Variants in PDE4A observed in about 807,000 individuals in gnomAD.
PDE4A encodes the protein 3',5'-cyclic-AMP phosphodiesterase 4A.
PDE4A carries 21 observed loss-of-function variants against 73.9 expected under a neutral mutation model. The observed-to-expected ratio is 0.28, with a 90% CI of 0.20 to 0.41. The LOEUF (loss-of-function observed/expected upper bound fraction) is 0.41. Among genes scored for constraint, PDE4A ranks in the 10% least tolerant of loss-of-function variants. The probability of loss-of-function intolerance (pLI) is 1.00; values close to 1 mark genes in which losing one functional copy is unlikely to be tolerated. For missense variants in PDE4A, 958 were observed against 1,211.4 expected (o/e 0.79, Z 3.10); for synonymous variants, 463 against 505.4 (o/e 0.92, Z 1.13).
intron 7 of PDE4A, 84 bp from the exon 8 acceptor site, chr19:10,457,795 T>C: frequency 1.3e-6 from 2 of 1,565,960 alleles, no homozygotes; most frequent in South Asian, 1.2e-5. Context: ...GCCTTCCCCG[T>C]ACGTGGTAGT....
At chr19:10,428,357 C>A (rs980820244) in intron 1 of PDE4A, among the ~76,000 whole-genome samples, 107 of 137,396 alleles carry the variant, frequency 7.8e-4, no homozygotes, top group African/African-American at 1.9e-3. Flanking sequence ...GATCCTGTCT[C>A]GAGAGAGAGA....
intron 6 of PDE4A, among the ~76,000 whole-genome samples, chr19:10,454,087 G>A (rs1444601647): frequency 1.3e-5 from 2 of 152,120 alleles, no homozygotes; most frequent in South Asian, 2.1e-4. Flanking sequence ...GGCATGGGGG[G>A]ACCAGGAGGG....
At chr19:10,433,966 C>T (rs984469271) in intron 1 of PDE4A, among the ~76,000 whole-genome samples, 2 of 152,202 alleles carry the variant, frequency 1.3e-5, no homozygotes, top group Non-Finnish European at 2.9e-5. Flanking sequence ...CGTGGTGGCT[C>T]ATGCCTGTAA....
In PDE4A at chr19:10,453,021, T is replaced by A; in HGVS notation, c.784-1808T>A. On this transcript the variant is annotated intron_variant, in intron 6 of 14. Transcript: ENST00000380702. This position sits in a 1 kb window ranked among gnomAD's most constrained non-coding sequence, Gnocchi z 4.6. ...CCATGGGCACGGACCCCCCACCGCCTCCACCCACTGCCGCGGGGGGGCCCG... is the reference window on the plus strand; with the variant it reads ...CCATGGGCACGGACCCCCCACCGCCACCACCCACTGCCGCGGGGGGGCCCG... 7.5e-7 allele frequency: 1 copy of A among 1,324,900 alleles called. No homozygotes were observed. The highest frequency in any genetic ancestry group is 1.8e-5 in the South Asian group (1 of 54,222). The allele number at this position is 1,324,900 out of a possible 1,614,324, so 82.1% of individuals were successfully genotyped here. A position where few individuals can be genotyped will look rare whatever the true frequency, so the allele number is the denominator to read the frequency against.
chr19:10,466,496 A>AT (rs1203491393), intron 14 of PDE4A, among the ~76,000 whole-genome samples: 1 of 142,182 alleles, frequency 7.0e-6, no homozygotes, highest in Non-Finnish European at 1.5e-5. Context: ...CAATGTATAC[A>AT]TTTTTTTGTT....
intron 1 of PDE4A, among the ~76,000 whole-genome samples, chr19:10,436,931 C>T (rs911449004): frequency 1.3e-5 from 2 of 151,906 alleles, no homozygotes; most frequent in African/African-American, 4.8e-5. Context: ...CCCAGCTACT[C>T]GAGAGACTGA....
chr19:10,449,244 G>T (rs2043056457), intron 4 of PDE4A, 94 bp downstream of exon 4: 1 of 1,384,934 alleles, frequency 7.2e-7, no homozygotes. Context: ...TGGCAGGCAG[G>T]TGACCTCTCT....
At chr19:10,459,252 G>A in intron 8 of PDE4A, 148 bp from the exon 9 acceptor site, 1 of 1,391,662 alleles carries the variant, frequency 7.2e-7, no homozygotes, top group Non-Finnish European at 9.6e-7. Flanking sequence ...GTAGGACGAG[G>A]GCAGTACATT....
chr19:10,464,099 G>C, intron 14 of PDE4A, 124 bp downstream of exon 14: 1 of 1,341,900 alleles, frequency 7.5e-7, no homozygotes, highest in Non-Finnish European at 1.0e-6. Context: ...TCCTGTTTTT[G>C]GTTTTGTTTT....
At position 10,458,972 on chromosome 19, in the gene PDE4A, G is replaced by A. The variant is rs111678873; in HGVS notation, c.1102-428G>A. On this transcript the variant is annotated intron_variant, in intron 8 of 14. Transcript: ENST00000380702. The surrounding 1 kb of genome is among the most constrained non-coding windows in gnomAD (Gnocchi z 4.6). Reference sequence around the variant, plus strand: ...TGCTGGCCCTTTTCTGAATTTTGGAGAGACATGGAAAATAAGCCCTTCTTC... The same window carrying A: ...TGCTGGCCCTTTTCTGAATTTTGGAAAGACATGGAAAATAAGCCCTTCTTC... 332 of 174,294 alleles carry A rather than the reference G, an allele frequency of 1.9e-3. 4 individuals carry two copies. Among genetic ancestry groups the A allele is most frequent in the African/African-American group, 7.3e-3 (309 of 42,460 alleles). The allele number at this position is 174,294 out of a possible 1,614,324, so 10.8% of individuals were successfully genotyped here.
In PDE4A at chr19:10,444,711, C is replaced by T. The variant is rs563964810; in HGVS notation, c.321-1507C>T. Among the ~76,000 whole-genome samples the T allele has an allele frequency of 1.1e-3, 167 of 147,336 alleles. 1 individual carries two copies. The highest frequency in any genetic ancestry group is 4.1e-3 in the African/African-American group (166 of 40,118). On this transcript the variant is annotated intron_variant, in intron 1 of 14. Coordinates refer to ENST00000380702, the MANE Select transcript of PDE4A (RefSeq NM_001111307.2). The stretch of plus-strand genomic sequence containing the variant: ...TTTGAGATGGAGTCTTGCTCTGTTG[C>T]CCAGACTGGAGCGCAGTGGCAAGAT...
chr19:10,464,128 C>CAAAA, intron 14 of PDE4A, 153 bp downstream of exon 14: 3 of 975,316 alleles, frequency 3.1e-6, no homozygotes, highest in Non-Finnish European at 4.6e-6. Context: ...GACGGAGTCT[C>CAAAA]ATTCTATTGC....
rs774496577 is a variant in PDE4A, at chr19:10,463,779, C to G, written c.1744-14C>G. 2 of 1,613,782 alleles carry G rather than the reference C, an allele frequency of 1.2e-6. No individual in the cohort carries two copies. Among genetic ancestry groups the G allele is most frequent in the South Asian group, 2.2e-5 (2 of 91,076 alleles). ...TAGCCTCTGAAGTTTCCCCTGTGCCCCAACCCCATGCAGGTCCTCCGGAAC... is the reference window on the plus strand; with the variant it reads ...TAGCCTCTGAAGTTTCCCCTGTGCCGCAACCCCATGCAGGTCCTCCGGAAC... On this transcript the variant is annotated splice_polypyrimidine_tract_variant and intron_variant, in intron 13 of 14. Transcript: ENST00000380702.
In PDE4A at chr19:10,446,247, C is replaced by T. The variant is rs1450259068; in HGVS notation, c.350C>T (p.Ser117Phe). 2.5e-6 allele frequency: 4 copies of T among 1,589,452 alleles called. No individual in the cohort carries two copies. The African/African-American group carries it at 5.4e-5, about 21-fold the overall frequency. ...RFEAENGPTP[S>F]PGRSPLDSQA... The stretch of plus-strand genomic sequence containing the variant: ...GAGGCAGAGAATGGGCCGACACCAT[C>T]TCCTGGCCGCAGCCCCCTGGACTCG... Residue 117 changes from serine to phenylalanine, a missense_variant, in exon 2 of 15, where the codon TCT (serine) becomes TTT (phenylalanine). Physicochemically the swap from Ser to Phe is radical, Grantham distance 155. Transcript: ENST00000380702.
At position 10,453,491 on chromosome 19, in the gene PDE4A, G is replaced by T. The variant is rs1388435755; in HGVS notation, c.784-1338G>T. 2.6e-5 allele frequency among the ~76,000 whole-genome samples: 4 copies of T among 152,096 alleles called. No homozygotes were observed. Among genetic ancestry groups the T allele is most frequent in the Non-Finnish European group, 5.9e-5 (4 of 68,014 alleles). On this transcript the variant is annotated intron_variant, in intron 6 of 14. Coordinates refer to ENST00000380702, the MANE Select transcript of PDE4A (RefSeq NM_001111307.2). The surrounding 1 kb of genome is among the most constrained non-coding windows in gnomAD (Gnocchi z 4.6). ...GGGCGTGGATGGCGGGCAGCTGGGG[G>T]TGTGTGACTCTCCCTGGGGGTGGAC...
intron 14 of PDE4A, among the ~76,000 whole-genome samples, chr19:10,466,627 T>G (rs1426612272): frequency 4.0e-5 from 6 of 151,820 alleles, no homozygotes; most frequent in Admixed American, 3.9e-4. Context: ...CCCAAGTAGC[T>G]GAACTACAGG....
Position 10,467,114 on chromosome 19 carries a change from G to A in PDE4A, c.2154G>A (p.Glu718=), listed in dbSNP as rs768388795. Residue 718 remains glutamate (E), a synonymous_variant, in exon 15 of 15, where the codon GAG becomes GAA. Coordinates refer to ENST00000380702, the MANE Select transcript of PDE4A (RefSeq NM_001111307.2). ...QFELTLEEEE[E]EEISMAQIPC... is the part of the protein sequence containing the mutation. ...AGCTGACGCTGGAGGAGGAAGAGGA[G>A]GAAGAAATATCAATGGCCCAGATAC... 3 of 1,614,182 alleles carry A rather than the reference G, an allele frequency of 1.9e-6. No individual in the cohort carries two copies. In the South Asian group the frequency reaches 3.3e-5, roughly 18 times the overall value.
chr19:10,431,639 C>T (rs961240282), intron 1 of PDE4A, among the ~76,000 whole-genome samples: 7 of 152,230 alleles, frequency 4.6e-5, no homozygotes, highest in African/African-American at 1.7e-4. Context: ...CGGAGTTGGG[C>T]ACTGGCTGGC....
rs2043199831 is a variant in PDE4A at position 10,458,021 on chromosome 19, G to A, written c.1020G>A (p.Lys340=). 1.2e-6 allele frequency: 2 copies of A among 1,613,944 alleles called. No homozygotes were observed. The highest frequency in any genetic ancestry group is 2.2e-5 in the South Asian group (2 of 91,076). Residue 340 remains lysine, a synonymous_variant, in exon 8 of 15, where the codon AAG becomes AAA. Transcript: ENST00000380702. The surrounding 1 kb of genome is among the most constrained non-coding windows in gnomAD (Gnocchi z 4.6). ...QPMSQITGLK[K]LMHSNSLNNS... is the part of the protein sequence containing the mutation. ...TGTCCCAAATCACAGGGTTGAAAAA[G>A]TTGATGCATAGTAACAGCCTGAACA...
Sources: allele counts gnomAD v4.1 joint callset (sites outside exome capture counted in the v4.1 genomes callset), GRCh38; gene constraint gnomAD v4.1.1; non-coding constraint Gnocchi (gnomAD v3.1); transcripts MANE v1.5; gene names NCBI Gene and HGNC (gene_info 2026-07-23, HGNC 2026-07-21).